Variants in RTF1 observed in about 807,000 individuals in gnomAD.
RTF1 encodes RTF1 homolog, Paf1/RNA polymerase II complex component.
Under a neutral mutation model 95.7 loss-of-function variants are expected in RTF1, and 10 were observed. That is an observed-to-expected ratio of 0.10 (90% CI 0.06 to 0.18). The LOEUF (loss-of-function observed/expected upper bound fraction) is 0.18. Among genes scored for constraint, RTF1 ranks in the 10% least tolerant of loss-of-function variants. The pLI, the probability that RTF1 is intolerant of heterozygous loss-of-function variation, is 1.00. For missense variants in RTF1, 458 were observed against 875.6 expected (o/e 0.52, Z 6.02); for synonymous variants, 305 against 311.8 (o/e 0.98, Z 0.23).
At chr15:41,458,998 G>A (rs1235145156) in intron 4 of RTF1, among the ~76,000 whole-genome samples, 1 of 152,152 alleles carries the variant, frequency 6.6e-6, no homozygotes, top group Non-Finnish European at 1.5e-5. Context: ...CTGGAACCCA[G>A]GAGGCGGAGG....
At chr15:41,445,000 T>TG (rs1437086352) in intron 2 of RTF1, among the ~76,000 whole-genome samples, 4 of 152,136 alleles carry the variant, frequency 2.6e-5, no homozygotes, top group Non-Finnish European at 4.4e-5. Flanking sequence ...GGCACGATCT[T>TG]GGCTCACTCC....
chr15:41,474,552 A>G, intron 8 of RTF1, 68 bp from the exon 9 acceptor site: 1 of 1,101,218 alleles, frequency 9.1e-7, no homozygotes, highest in Non-Finnish European at 1.4e-6. Context: ...GAGAGACGCA[A>G]AGGAAGAGTG....
At chr15:41,458,733 C>T (rs575899516) in intron 4 of RTF1, among the ~76,000 whole-genome samples, 4 of 151,156 alleles carry the variant, frequency 2.6e-5, no homozygotes, top group East Asian at 2.0e-4. Context: ...TTGGTGAGAG[C>T]GAGACTCTGT....
At chr15:41,453,568 A>G (rs913913909) in intron 3 of RTF1, among the ~76,000 whole-genome samples, 3 of 152,020 alleles carry the variant, frequency 2.0e-5, no homozygotes, top group Non-Finnish European at 4.4e-5. Context: ...TCTACAAAAA[A>G]ATTTAAAAAT....
In RTF1 at chr15:41,483,433, G is replaced by C. The variant is rs945307843; in HGVS notation, c.*2746G>C. 3 of 152,518 alleles carry C rather than the reference G, an allele frequency of 2.0e-5. No individual in the cohort carries two copies. The highest frequency in any genetic ancestry group is 7.2e-5 in the African/African-American group (3 of 41,414). The allele number at this position is 152,518 out of a possible 1,614,324, so 9.4% of individuals were successfully genotyped here. ...AGGTCTGTTTGTCTGTCTTGCTTCT[G>C]GCAGGTGTAGGGAAAGTCTACTGCC... is the stretch of plus-strand genomic sequence containing the variant. On this transcript the variant is annotated 3_prime_UTR_variant, in exon 18 of 18. Transcript: ENST00000389629.
chr15:41,434,211 G>C (rs2050690547), intron 1 of RTF1, among the ~76,000 whole-genome samples: 1 of 150,012 alleles, frequency 6.7e-6, no homozygotes, highest in African/African-American at 2.5e-5. Flanking sequence ...TCAAACTTTT[G>C]GGCTCAAGCG....
intron 4 of RTF1, among the ~76,000 whole-genome samples, chr15:41,460,891 T>C (rs1260029816): frequency 6.6e-6 from 1 of 150,542 alleles, no homozygotes; most frequent in African/African-American, 2.4e-5. Flanking sequence ...TTTTTTTTTT[T>C]TTTGAGATGG....
intron 3 of RTF1, 131 bp from the exon 4 acceptor site, chr15:41,457,541 A>G: frequency 1.1e-6 from 1 of 870,232 alleles, no homozygotes; most frequent in East Asian, 2.4e-5. Flanking sequence ...AAAAGTAAAA[A>G]CAAATAAGTA....
chr15:41,474,065 C>T (rs992582538), intron 8 of RTF1, among the ~76,000 whole-genome samples: 1 of 152,002 alleles, frequency 6.6e-6, no homozygotes, highest in African/African-American at 2.4e-5. Flanking sequence ...AAAAGAGAGA[C>T]TGGGTCTCTC....
At chr15:41,450,181 G>C (rs1190058708) in intron 2 of RTF1, among the ~76,000 whole-genome samples, 1 of 152,048 alleles carries the variant, frequency 6.6e-6, no homozygotes, top group Non-Finnish European at 1.5e-5. Context: ...GGTCAACAGA[G>C]CAAGACCCAG....
At chr15:41,476,997 A>G (rs2050944901) in intron 12 of RTF1, among the ~76,000 whole-genome samples, 168 bp from the exon 13 acceptor site, 1 of 152,210 alleles carries the variant, frequency 6.6e-6, no homozygotes, top group African/African-American at 2.4e-5. Flanking sequence ...CTACTATAAT[A>G]TAAATTATAT....
intron 4 of RTF1, among the ~76,000 whole-genome samples, chr15:41,459,209 T>C (rs2050834354): frequency 6.6e-6 from 1 of 151,972 alleles, no homozygotes; most frequent in Non-Finnish European, 1.5e-5. Flanking sequence ...GGCAAAACGC[T>C]CTCTCCTACA....
At chr15:41,452,713 A>G (rs895551112) in intron 2 of RTF1, among the ~76,000 whole-genome samples, 188 bp from the exon 3 acceptor site, 40 of 152,258 alleles carry the variant, frequency 2.6e-4, no homozygotes, top group African/African-American at 8.9e-4. Context: ...CAGCCTGGAC[A>G]ATAGAATGAG....
intron 6 of RTF1, among the ~76,000 whole-genome samples, chr15:41,469,894 C>G (rs2050901141): frequency 6.6e-6 from 1 of 152,178 alleles, no homozygotes; most frequent in South Asian, 2.1e-4. Context: ...AGCCACTCTC[C>G]TATTTTAAAT....
At chr15:41,457,256 A>G (rs973991677) in intron 3 of RTF1, among the ~76,000 whole-genome samples, 1 of 151,662 alleles carries the variant, frequency 6.6e-6, no homozygotes, top group Non-Finnish European at 1.5e-5. Context: ...GTAAAAATAA[A>G]TAGGCGCAGT....
Position 41,480,235 on chromosome 15 carries a change from T to C in RTF1, c.1936T>C (p.Leu646=). The part of the protein sequence containing the change: ...MSKGQGKDKD[L]NSKSASDLSE... ...CCAGGGTCAAGGCAAAGATAAAGATTTGAATTCTAAGTCAGCCAGTGACCT... is the reference window on the plus strand; with the variant it reads ...CCAGGGTCAAGGCAAAGATAAAGATCTGAATTCTAAGTCAGCCAGTGACCT... Residue 646 remains leucine (L), a synonymous_variant, in exon 17 of 18, where the codon TTG becomes CTG. Coordinates refer to ENST00000389629, the MANE Select transcript of RTF1 (RefSeq NM_015138.5). 1 of 1,612,914 alleles carries C rather than the reference T, an allele frequency of 6.2e-7. No homozygotes were observed. The highest frequency in any genetic ancestry group is 1.1e-5 in the South Asian group (1 of 91,058).
chr15:41,426,779 A>ATGTGTGTG (rs1178988605), intron 1 of RTF1, among the ~76,000 whole-genome samples: 119 of 77,598 alleles, frequency 1.5e-3, no homozygotes, highest in Middle Eastern at 6.9e-3. Context: ...CGCTACATAT[A>ATGTGTGTG]TATGTGTGTG....
intron 1 of RTF1, among the ~76,000 whole-genome samples, chr15:41,429,782 C>T (rs533675887): frequency 2.5e-4 from 38 of 152,082 alleles, no homozygotes; most frequent in African/African-American, 8.7e-4. Flanking sequence ...GTCTCAGCCT[C>T]AGTGCCTCAG....
chr15:41,417,148 G>A lies in RTF1; in HGVS notation c.33G>A (p.Ala11=), dbSNP rs1364237487. Residue 11 remains alanine, a synonymous_variant, in exon 1 of 18, where the codon GCG becomes GCA. Transcript: ENST00000389629. MRGRLCVGRA[A]AAAAAVAVPL... The stretch of plus-strand genomic sequence containing the variant: ...GTCGCCTTTGTGTGGGTCGAGCAGC[G>A]GCGGCGGCGGCGGCAGTGGCGGTCC... The A allele has an allele frequency of 1.9e-5, 24 of 1,247,440 alleles. No individual in the cohort carries two copies. The highest frequency in any genetic ancestry group is 2.3e-5 in the Non-Finnish European group (23 of 991,112). The allele number at this position is 1,247,440 out of a possible 1,614,324, so 77.3% of individuals were successfully genotyped here.
Sources: gnomAD v4.1 joint callset for allele counts (sites outside exome capture counted in the v4.1 genomes callset) on GRCh38, gnomAD v4.1.1 for gene constraint, MANE v1.5 for transcripts, NCBI Gene and HGNC (gene_info 2026-07-23, HGNC 2026-07-21) for gene names.